Variants in NAV3 observed in about 807,000 individuals in gnomAD.
NAV3 encodes the protein pore membrane and/or filament interacting like protein 1.
NAV3 carries 87 observed loss-of-function variants against 244.7 expected under a neutral mutation model. That is an observed-to-expected ratio of 0.36 (90% CI 0.30 to 0.42). NAV3 has a LOEUF of 0.42. Among genes scored for constraint, NAV3 ranks in the 20% least tolerant of loss-of-function variants. The pLI, the probability that NAV3 is intolerant of heterozygous loss-of-function variation, is 1.00. For synonymous variants in NAV3, 1,126 were observed against 1,042.2 expected, an observed-to-expected ratio of 1.08 and a Z score of -1.55; for missense variants, 2,663 against 2,893.3, an observed-to-expected ratio of 0.92 and a Z score of 1.83.
intron 2 of NAV3, among the ~76,000 whole-genome samples, chr12:77,637,748 A>G (rs537567285): frequency 6.6e-6 from 1 of 152,206 alleles, no homozygotes; most frequent in Admixed American, 6.5e-5. Context: ...CTAATTTAAT[A>G]GTTCAGTCAG....
chr12:78,148,348 A>T (rs1206173806), intron 21 of NAV3, among the ~76,000 whole-genome samples: 1 of 152,086 alleles, frequency 6.6e-6, no homozygotes, highest in Non-Finnish European at 1.5e-5. Context: ...TGATTGCAGG[A>T]TATTCCATAG....
intron 23 of NAV3, among the ~76,000 whole-genome samples, 182 bp from the exon 24 acceptor site, chr12:78,168,573 C>T (rs1957876005): frequency 6.6e-6 from 1 of 151,606 alleles, no homozygotes; most frequent in African/African-American, 2.4e-5. Context: ...AACAAAAAAC[C>T]ACCTCCTTTA....
In NAV3 at chr12:77,910,147, C is replaced by T. The variant is rs947193323; in HGVS notation, c.244-30172C>T. Among the ~76,000 whole-genome samples, 9 of 151,842 alleles carry T rather than the reference C, an allele frequency of 5.9e-5. No individual in the cohort carries two copies. In the South Asian group the frequency reaches 1.0e-3, roughly 18 times the overall value. On this transcript the variant is annotated intron_variant, in intron 1 of 39. Coordinates refer to ENST00000397909, the MANE Select transcript of NAV3 (RefSeq NM_001024383.2). ...ATTGTTATGAAGGGTTATTTGAGAC[C>T]GGGTAATTTATAAAGAAAAGAGGTT...
chr12:77,884,813 G>C (rs1258676023), intron 1 of NAV3, among the ~76,000 whole-genome samples: 1 of 151,900 alleles, frequency 6.6e-6, no homozygotes, highest in Non-Finnish European at 1.5e-5. Context: ...TTCCATCCCA[G>C]GTACTCCTGA....
chr12:77,640,876 G>A (rs1470696010), intron 2 of NAV3, among the ~76,000 whole-genome samples: 1 of 152,104 alleles, frequency 6.6e-6, no homozygotes, highest in Non-Finnish European at 1.5e-5. Context: ...TGAGCTCCAT[G>A]CAATTTTTGT....
At chr12:78,127,146 G>A (rs1414730648) in intron 16 of NAV3, 21 bp from the exon 17 acceptor site, 10 of 1,612,598 alleles carry the variant, frequency 6.2e-6, no homozygotes, top group Non-Finnish European at 6.8e-6. Flanking sequence ...ATGTCCTTAG[G>A]GGTTTTCTTT....
intron 11 of NAV3, among the ~76,000 whole-genome samples, chr12:78,053,751 A>G (rs1883101853): frequency 6.6e-6 from 1 of 152,234 alleles, no homozygotes; most frequent in African/African-American, 2.4e-5. Flanking sequence ...AGCTGATACA[A>G]GAACACAGAG....
chr12:77,806,430 A>T (rs150549305), intron 2 of NAV3, among the ~76,000 whole-genome samples: 3,197 of 152,260 alleles, frequency 0.021, 106 homozygotes, highest in African/African-American at 0.074. Flanking sequence ...TTTACCCAGT[A>T]GTCATTCAGG....
intron 33 of NAV3, among the ~76,000 whole-genome samples, chr12:78,189,030 T>C (rs1958853215): frequency 6.6e-6 from 1 of 151,884 alleles, no homozygotes; most frequent in Non-Finnish European, 1.5e-5. Context: ...AAAAGGAATG[T>C]GATTTAGGAA....
chr12:78,185,725 TTAC>T, intron 31 of NAV3, 27 bp downstream of exon 31: 1 of 1,562,346 alleles, frequency 6.4e-7, no homozygotes, highest in Middle Eastern at 2.3e-4. Context: ...AAACTCTTTA[TTAC>T]TAACAATGAG....
intron 2 of NAV3, among the ~76,000 whole-genome samples, chr12:77,737,822 G>A (rs949773630): frequency 4.6e-5 from 7 of 152,152 alleles, no homozygotes; most frequent in Admixed American, 1.3e-4. Context: ...GTGTGTTTTC[G>A]GTATTTCGCA....
chr12:77,846,454 T>C (rs960564017), intron 1 of NAV3, among the ~76,000 whole-genome samples: 4 of 152,240 alleles, frequency 2.6e-5, no homozygotes, highest in Non-Finnish European at 4.4e-5. Flanking sequence ...TGACCAACTG[T>C]ACTGGTTATC....
chr12:77,615,668 T>A (rs997620171), intron 2 of NAV3, among the ~76,000 whole-genome samples: 1 of 152,238 alleles, frequency 6.6e-6, no homozygotes, highest in Non-Finnish European at 1.5e-5. Context: ...TGAATGCTGC[T>A]GTGATGAACA....
In NAV3 at chr12:78,143,584, C is replaced by T. The variant is rs1165949958; in HGVS notation, c.4684-2785C>T. On this transcript the variant is annotated intron_variant, in intron 20 of 39. Transcript: ENST00000397909. ...AGGCTGAGGCTGCTGCAGTGAGCGC[C>T]ACTGCACTCCAGCCTGGGCGACAAA... 2.7e-5 allele frequency among the ~76,000 whole-genome samples: 4 copies of T among 146,844 alleles called. No individual in the cohort carries two copies. In the East Asian group the frequency reaches 8.1e-4, roughly 30 times the overall value.
At chr12:78,051,798 T>G (rs1227911748) in intron 11 of NAV3, among the ~76,000 whole-genome samples, 2 of 152,244 alleles carry the variant, frequency 1.3e-5, no homozygotes, top group African/African-American at 4.8e-5. Context: ...AATAGGATAT[T>G]CTATTAATAA....
intron 2 of NAV3, among the ~76,000 whole-genome samples, chr12:77,612,548 C>T (rs1337980730): frequency 1.3e-5 from 2 of 152,066 alleles, no homozygotes; most frequent in Non-Finnish European, 2.9e-5. Context: ...TTGCTTTCCC[C>T]ATATAATTTG....
At chr12:78,013,386 A>C (rs929621011) in intron 8 of NAV3, among the ~76,000 whole-genome samples, 2 of 152,274 alleles carry the variant, frequency 1.3e-5, no homozygotes, top group African/African-American at 2.4e-5. Context: ...ACTTTTAGCT[A>C]TTGGAATCAG....
intron 2 of NAV3, among the ~76,000 whole-genome samples, chr12:77,645,383 A>T (rs748334801): frequency 6.6e-5 from 10 of 151,860 alleles, no homozygotes; most frequent in Non-Finnish European, 1.3e-4. Context: ...TGCTTAGTTA[A>T]TTCCCTGGAT....
intron 2 of NAV3, among the ~76,000 whole-genome samples, chr12:77,703,285 T>G (rs1464334004): frequency 2.6e-5 from 4 of 152,268 alleles, no homozygotes; most frequent in African/African-American, 9.6e-5. Context: ...ATATAGTACA[T>G]GATCGTGTGT....
Sources: gnomAD v4.1 joint callset for allele counts (sites outside exome capture counted in the v4.1 genomes callset) on GRCh38, gnomAD v4.1.1 for gene constraint, MANE v1.5 for transcripts, NCBI Gene and HGNC (gene_info 2026-07-23, HGNC 2026-07-21) for gene names.